Variants in DSCAM observed in about 807,000 individuals in gnomAD.
DSCAM encodes cell adhesion molecule DSCAM.
In DSCAM, 47 loss-of-function variants were observed where a neutral mutation model predicts 217.7. The ratio of observed to expected loss-of-function variants is 0.22; its 90% CI spans 0.17 to 0.28. The LOEUF is 0.28. Among genes scored for constraint, DSCAM ranks in the 10% least tolerant of loss-of-function variants. The pLI, the probability that DSCAM is intolerant of heterozygous loss-of-function variation, is 1.00. For missense variants in DSCAM, 2,080 were observed against 2,618.3 expected (o/e 0.79, Z 4.49); for synonymous variants, 1,056 against 1,015.3 (o/e 1.04, Z -0.76).
intron 8 of DSCAM, among the ~76,000 whole-genome samples, chr21:40,332,025 G>A (rs1003083656): frequency 6.6e-6 from 1 of 152,090 alleles, no homozygotes; most frequent in Non-Finnish European, 1.5e-5. Flanking sequence ...GTGCCACATC[G>A]CTCCTCTCAG....
chr21:40,293,494 T>C (rs972568749), intron 10 of DSCAM, among the ~76,000 whole-genome samples: 1 of 152,146 alleles, frequency 6.6e-6, no homozygotes, highest in Non-Finnish European at 1.5e-5. Context: ...AGTCCTCTTA[T>C]GAGAAAAATA....
At chr21:40,164,943 C>A (rs1218832983) in intron 16 of DSCAM, among the ~76,000 whole-genome samples, 1 of 152,180 alleles carries the variant, frequency 6.6e-6, no homozygotes, top group Non-Finnish European at 1.5e-5. Flanking sequence ...AGAAAGGCCA[C>A]CAAAGTGCCC....
intron 3 of DSCAM, among the ~76,000 whole-genome samples, chr21:40,635,976 C>A (rs929274901): frequency 6.6e-6 from 1 of 152,268 alleles, no homozygotes; most frequent in East Asian, 1.9e-4. Flanking sequence ...GACCCAAACA[C>A]GCAGGCAAAA....
chr21:40,846,682 T>G lies in DSCAM; in HGVS notation c.-21A>C. 1.8e-6 allele frequency: 2 copies of G among 1,123,696 alleles called. No homozygotes were observed. Among genetic ancestry groups the G allele is most frequent in the Non-Finnish European group, 2.2e-6 (2 of 901,956 alleles). The allele number at this position is 1,123,696 out of a possible 1,614,324, so 69.6% of individuals were successfully genotyped here. A position where few individuals can be genotyped will look rare whatever the true frequency, so the allele number is the denominator to read the frequency against. On this transcript the variant is annotated 5_prime_UTR_variant, in exon 1 of 33. Transcript: ENST00000400454. The stretch of plus-strand genomic sequence containing the variant: ...CACATGCCCCTGCCGCTCCCCGGCC[T>G]CCCGCGAGCGACGCGCCGGCCTCGC...
At chr21:40,136,946 G>A (rs766240176) in intron 18 of DSCAM, among the ~76,000 whole-genome samples, 11 of 152,000 alleles carry the variant, frequency 7.2e-5, no homozygotes, top group Admixed American at 2.0e-4. Context: ...AGGCCAAGGC[G>A]GGTGGATCAC....
At chr21:40,718,171 G>A (rs1026011388) in intron 1 of DSCAM, among the ~76,000 whole-genome samples, 1 of 152,172 alleles carries the variant, frequency 6.6e-6, no homozygotes, top group Non-Finnish European at 1.5e-5. Context: ...AGACAGAGCT[G>A]GTTGGTAAAG....
At chr21:40,565,734 A>G (rs2076759329) in intron 3 of DSCAM, among the ~76,000 whole-genome samples, 1 of 152,160 alleles carries the variant, frequency 6.6e-6, no homozygotes, top group African/African-American at 2.4e-5. Context: ...TTAACATCAC[A>G]TGGAAAGGGG....
chr21:40,435,331 A>C (rs1393675566), intron 3 of DSCAM, among the ~76,000 whole-genome samples: 1 of 152,196 alleles, frequency 6.6e-6, no homozygotes, highest in Non-Finnish European at 1.5e-5. Context: ...TGTTTAATTT[A>C]GTTGGTATTA....
chr21:40,144,411 G>A lies in DSCAM; in HGVS notation c.3259+80C>T, dbSNP rs199505164. Reference sequence around the variant, plus strand: ...GCAAAGTCGTGGGGCGGGGGAGTGCGAGGTTGGGGGAGCCCCGGGGCAGAC... The same window carrying A: ...GCAAAGTCGTGGGGCGGGGGAGTGCAAGGTTGGGGGAGCCCCGGGGCAGAC... On this transcript the variant is annotated intron_variant, in intron 17 of 32. Coordinates refer to ENST00000400454, the MANE Select transcript of DSCAM (RefSeq NM_001389.5). This position sits in a 1 kb window ranked among gnomAD's most constrained non-coding sequence, Gnocchi z 4.8. 3.8e-6 allele frequency: 6 copies of A among 1,577,134 alleles called. No homozygotes were observed. Among genetic ancestry groups the A allele is most frequent in the Admixed American group, 3.5e-5 (2 of 57,764 alleles).
chr21:40,147,839 C>T (rs1019751219), intron 16 of DSCAM, among the ~76,000 whole-genome samples: 5 of 151,936 alleles, frequency 3.3e-5, no homozygotes, highest in African/African-American at 9.7e-5. Context: ...TTTATTTAAC[C>T]TTTTTTTAAT....
intron 1 of DSCAM, among the ~76,000 whole-genome samples, chr21:40,796,237 G>A (rs1289442804): frequency 1.3e-5 from 2 of 152,180 alleles, no homozygotes; most frequent in Non-Finnish European, 2.9e-5. Flanking sequence ...CCTGACTCAG[G>A]CCAATAGCAT....
intron 3 of DSCAM, among the ~76,000 whole-genome samples, chr21:40,461,749 G>C (rs2075807763): frequency 6.6e-6 from 1 of 152,202 alleles, no homozygotes; most frequent in Non-Finnish European, 1.5e-5. Flanking sequence ...AAAAGTGGAA[G>C]CAAGCATCAG....
intron 20 of DSCAM, among the ~76,000 whole-genome samples, chr21:40,112,563 G>C: frequency 6.6e-6 from 1 of 152,124 alleles, no homozygotes; most frequent in Admixed American, 6.5e-5. Context: ...AAATAGCTAA[G>C]ATCAGAGCAG....
intron 4 of DSCAM, among the ~76,000 whole-genome samples, chr21:40,359,482 C>T (rs920189610): frequency 6.6e-6 from 1 of 152,022 alleles, no homozygotes; most frequent in Admixed American, 6.6e-5. Flanking sequence ...AGGTATCTAC[C>T]CTAAATGAAT....
intron 11 of DSCAM, among the ~76,000 whole-genome samples, chr21:40,264,294 A>G (rs1250858837): frequency 6.6e-6 from 1 of 152,186 alleles, no homozygotes. Context: ...AGATGCAAAA[A>G]TTCTCAACAC....
At chr21:40,725,854 G>A (rs1228901441) in intron 1 of DSCAM, among the ~76,000 whole-genome samples, 1 of 152,096 alleles carries the variant, frequency 6.6e-6, no homozygotes, top group Non-Finnish European at 1.5e-5. Context: ...CATACTCAAA[G>A]TATCAAACAA....
chr21:40,644,775 T>C (rs1360918412), intron 3 of DSCAM, among the ~76,000 whole-genome samples: 1 of 152,336 alleles, frequency 6.6e-6, no homozygotes, highest in Non-Finnish European at 1.5e-5. Flanking sequence ...TCATTCCTTG[T>C]TGCATTTTTT....
intron 3 of DSCAM, among the ~76,000 whole-genome samples, chr21:40,591,538 A>G (rs1430340854): frequency 6.6e-6 from 1 of 152,186 alleles, no homozygotes; most frequent in Non-Finnish European, 1.5e-5. Flanking sequence ...AAACAGATAA[A>G]AGGAGTGTAC....
chr21:40,382,547 G>A (rs1453657802), intron 3 of DSCAM, among the ~76,000 whole-genome samples: 2 of 152,170 alleles, frequency 1.3e-5, no homozygotes, highest in African/African-American at 4.8e-5. Context: ...CCAATGACAC[G>A]TGATGATGTC....
Sources: allele counts gnomAD v4.1 joint callset (sites outside exome capture counted in the v4.1 genomes callset), GRCh38; gene constraint gnomAD v4.1.1; non-coding constraint Gnocchi (gnomAD v3.1); transcripts MANE v1.5; gene names NCBI Gene and HGNC (gene_info 2026-07-23, HGNC 2026-07-21).